PCDHGA11: variants seen among roughly 807,000 people sequenced by gnomAD.
PCDHGA11 encodes protocadherin gamma subfamily A, 11.
Under a neutral mutation model 60.4 loss-of-function variants are expected in PCDHGA11, and 39 were observed. The observed-to-expected ratio is 0.65, with a 90% confidence interval of 0.50 to 0.84. The LOEUF (loss-of-function observed/expected upper bound fraction) is 0.84, where lower values mean the gene tolerates loss of function less well. PCDHGA11 is among the 40% of genes least tolerant of loss of function. The pLI is 0.00. For synonymous variants in PCDHGA11, 533 were observed against 510.3 expected (o/e 1.04, Z -0.60); for missense variants, 1,165 against 1,197.7 (o/e 0.97, Z 0.40).
chr5:141,502,500 G>C (rs1398797155), intron 2 of PCDHGA11, among the ~76,000 whole-genome samples: 1 of 152,046 alleles, frequency 6.6e-6, no homozygotes, highest in Non-Finnish European at 1.5e-5. Flanking sequence ...ATCTAACGTC[G>C]GCCTGTCCCA....
At position 141,421,819 on chromosome 5, in the gene PCDHGA11, G is replaced by C. The variant is rs752366104; in HGVS notation, c.592G>C (p.Glu198Gln). The C allele has an allele frequency of 3.8e-5, 61 of 1,613,688 alleles. No homozygotes were observed. Among genetic ancestry groups the C allele is most frequent in the Non-Finnish European group, 4.9e-5 (58 of 1,179,892 alleles). ...GGCCAAGAATCCAGAGCTAGTACTG[G>C]AGGGAAGCCTGGACCGAGAGAAAGA... ...DGAKNPELVL[E>Q]GSLDREKEAA... Residue 198 changes from glutamate (E) to glutamine (Q), a missense_variant, in exon 1 of 4, where the codon GAG (glutamate) becomes CAG (glutamine). Glu to Gln is a conservative substitution (Grantham distance 29). Coordinates refer to ENST00000398587, the MANE Select transcript of PCDHGA11 (RefSeq NM_018914.3).
chr5:141,491,802 G>A lies in PCDHGA11; in HGVS notation c.2434-3005G>A. 6.7e-7 allele frequency: 1 copy of A among 1,497,480 alleles called. No homozygotes were observed. Among genetic ancestry groups the A allele is most frequent in the East Asian group, 2.5e-5 (1 of 40,518 alleles). The allele number at this position is 1,497,480 out of a possible 1,614,324, so 92.8% of individuals were successfully genotyped here. ...ACTTGCATCCACTCCTCTCCGGCCG[G>A]CTTGGTCGCTGGCTGCGCTCCACCC... On this transcript the variant is annotated intron_variant, in intron 1 of 3. Coordinates refer to ENST00000398587, the MANE Select transcript of PCDHGA11 (RefSeq NM_018914.3). The surrounding 1 kb of genome is among the most constrained non-coding windows in gnomAD (Gnocchi z 6.9).
intron 1 of PCDHGA11, among the ~76,000 whole-genome samples, chr5:141,475,215 T>C (rs768665396): frequency 2.6e-5 from 4 of 152,176 alleles, no homozygotes; most frequent in Non-Finnish European, 5.9e-5. Flanking sequence ...AAAGGATTGA[T>C]CAAGTAAAGG....
At position 141,432,204 on chromosome 5, in the gene PCDHGA11, A is replaced by G. The variant is rs1204867610; in HGVS notation, c.2433+8544A>G. On this transcript the variant is annotated intron_variant, in intron 1 of 3. Coordinates refer to ENST00000398587, the MANE Select transcript of PCDHGA11 (RefSeq NM_018914.3). This position sits in a 1 kb window ranked among gnomAD's most constrained non-coding sequence, Gnocchi z 6.0. ...GTGACCGCCCACGACCCCGACTGTG[A>G]AGAGAACGCCCAGATCACTTATTCC... 1.9e-6 allele frequency: 3 copies of G among 1,614,070 alleles called. No homozygotes were observed. Among genetic ancestry groups the G allele is most frequent in the African/African-American group, 2.7e-5 (2 of 74,928 alleles).
intron 1 of PCDHGA11, chr5:141,440,247 T>C (rs1158469276): frequency 1.3e-5 from 2 of 152,296 alleles, no homozygotes; most frequent in Non-Finnish European, 2.9e-5. Context: ...GGCGAGCAGA[T>C]TACGAGGTCA....
At chr5:141,492,468 G>A (rs927514972) in intron 1 of PCDHGA11, among the ~76,000 whole-genome samples, 1 of 152,232 alleles carries the variant, frequency 6.6e-6, no homozygotes, top group Admixed American at 6.5e-5. Flanking sequence ...GAGGGTCCCA[G>A]ATCGCGGCCG....
At chr5:141,457,522 G>A (rs1200640017) in intron 1 of PCDHGA11, among the ~76,000 whole-genome samples, 1 of 152,188 alleles carries the variant, frequency 6.6e-6, no homozygotes, top group Non-Finnish European at 1.5e-5. Flanking sequence ...AACAATTAAT[G>A]AGACTAGGGT....
At position 141,491,752 on chromosome 5, in the gene PCDHGA11, G is replaced by C. The variant is rs1464731659; in HGVS notation, c.2434-3055G>C. 6 of 1,586,646 alleles carry C rather than the reference G, an allele frequency of 3.8e-6. No homozygotes were observed. The African/African-American group carries it at 8.1e-5, about 21-fold the overall frequency. On this transcript the variant is annotated intron_variant, in intron 1 of 3. Transcript: ENST00000398587. The surrounding 1 kb of genome is among the most constrained non-coding windows in gnomAD (Gnocchi z 6.9). ...GACCCCTGGGGGCGGCACTGGAGAA[G>C]CCGCCCGTCCTCATAAGGGATTGAA...
Position 141,424,520 on chromosome 5 carries a change from A to T in PCDHGA11, c.2433+860A>T, listed in dbSNP as rs527395935. ...GTATGGAAGGTTTTTTAATGTAGTA[A>T]ATCCATATATAGAAATAACTTGATT... is the stretch of plus-strand genomic sequence containing the variant. On this transcript the variant is annotated intron_variant, in intron 1 of 3. Coordinates refer to ENST00000398587, the MANE Select transcript of PCDHGA11 (RefSeq NM_018914.3). 15 of 152,286 alleles carry T rather than the reference A, an allele frequency of 9.8e-5. No individual in the cohort carries two copies. In the East Asian group the frequency reaches 2.9e-3, roughly 29 times the overall value. The allele number at this position is 152,286 out of a possible 1,614,324, so 9.4% of individuals were successfully genotyped here. A position where few individuals can be genotyped will look rare whatever the true frequency, so the allele number is the denominator to read the frequency against.
chr5:141,472,980 C>CAAAAAAAAAAAAAAAAAAGAAAAAAA (rs60579131), intron 1 of PCDHGA11, among the ~76,000 whole-genome samples: 1 of 86,106 alleles, frequency 1.2e-5, no homozygotes, highest in South Asian at 4.3e-4. Flanking sequence ...GAGTGAAACT[C>CAAAAAAAAAAAAAAAAAAGAAAAAAA]AAAAAAAAAA....
intron 1 of PCDHGA11, among the ~76,000 whole-genome samples, chr5:141,460,653 G>A (rs10058370): frequency 0.17 from 25,559 of 151,914 alleles, 2,196 homozygotes; most frequent in South Asian, 0.22. Flanking sequence ...TTACACATAT[G>A]TAACTGTAAA....
intron 1 of PCDHGA11, among the ~76,000 whole-genome samples, chr5:141,461,805 C>T (rs773854105): frequency 4.6e-5 from 7 of 151,854 alleles, no homozygotes; most frequent in Non-Finnish European, 8.8e-5. Flanking sequence ...AGGTGCCCAC[C>T]ACCACACCCA....
In PCDHGA11 at chr5:141,421,960, C is replaced by G; in HGVS notation, c.733C>G (p.Gln245Glu). 3 of 1,612,526 alleles carry G rather than the reference C, an allele frequency of 1.9e-6. No individual in the cohort carries two copies. The highest frequency in any genetic ancestry group is 2.5e-6 in the Non-Finnish European group (3 of 1,179,216). The change falls in exon 1 of 4, where the codon CAG (glutamine) becomes GAG (glutamate). Residue 245 changes from glutamine (Q) to glutamate (E), a missense_variant. Coordinates refer to ENST00000398587, the MANE Select transcript of PCDHGA11 (RefSeq NM_018914.3). ...DVNDHIPMFTQSVYRVSVPEN... is the reference protein window; with the variant it reads ...DVNDHIPMFTESVYRVSVPEN... Reference sequence around the variant, plus strand: ...AAATGATCACATCCCAATGTTTACACAGTCCGTATATCGCGTGAGTGTTCC... The same window carrying G: ...AAATGATCACATCCCAATGTTTACAGAGTCCGTATATCGCGTGAGTGTTCC...
At chr5:141,506,863 G>A (rs1162975959) in intron 3 of PCDHGA11, among the ~76,000 whole-genome samples, 1 of 152,120 alleles carries the variant, frequency 6.6e-6, no homozygotes, top group Non-Finnish European at 1.5e-5. Context: ...GAGGACTGGT[G>A]GGTAGAGAAC....
At chr5:141,427,566 C>A (rs1218268757) in intron 1 of PCDHGA11, 1 of 659,032 alleles carries the variant, frequency 1.5e-6, no homozygotes, top group Non-Finnish European at 2.8e-6. Context: ...CAAGGGCAAG[C>A]CTCCGCTCTC....
At position 141,433,052 on chromosome 5, in the gene PCDHGA11, A is replaced by G. The variant is rs757503771; in HGVS notation, c.2433+9392A>G. The G allele has an allele frequency of 3.1e-6, 5 of 1,614,178 alleles. No individual in the cohort carries two copies. In the Admixed American group the frequency reaches 8.3e-5, roughly 27 times the overall value. ...GGTTTCCCTCACCACGGACTCGCGG[A>G]AGAGTCACCTGATCTTCCCCCAGCC... On this transcript the variant is annotated intron_variant, in intron 1 of 3. Transcript: ENST00000398587.
rs771088007 is a variant in PCDHGA11, at chr5:141,423,000, G to A, written c.1773G>A (p.Lys591=). The change falls in exon 1 of 4, where the codon AAG becomes AAA. Residue 591 remains lysine, a synonymous_variant. Transcript: ENST00000398587. ...CGGAACCTGGCTACCTGGTGACCAA[G>A]GTGGTTGCGGTGGACAAAGATTCAG... The part of the protein sequence containing the change: ...RSAEPGYLVT[K]VVAVDKDSGQ... The A allele has an allele frequency of 9.3e-6, 15 of 1,614,116 alleles. No homozygotes were observed. The African/African-American group carries it at 1.9e-4, about 20-fold the overall frequency.
chr5:141,476,281 T>G lies in PCDHGA11; in HGVS notation c.2434-18526T>G. On this transcript the variant is annotated intron_variant, in intron 1 of 3. Coordinates refer to ENST00000398587, the MANE Select transcript of PCDHGA11 (RefSeq NM_018914.3). This position sits in a 1 kb window ranked among gnomAD's most constrained non-coding sequence, Gnocchi z 7.6. ...TGGGCAACGTGGTCGCGAACCTTGGTTTGGATCTCGGTAGCCTCTCAGCCC... is the reference window on the plus strand; with the variant it reads ...TGGGCAACGTGGTCGCGAACCTTGGGTTGGATCTCGGTAGCCTCTCAGCCC... 1 of 1,614,048 alleles carries G rather than the reference T, an allele frequency of 6.2e-7. No homozygotes were observed. The highest frequency in any genetic ancestry group is 1.1e-5 in the South Asian group (1 of 91,062).
chr5:141,430,837 C>T (rs1350348914), intron 1 of PCDHGA11: 4 of 1,559,956 alleles, frequency 2.6e-6, no homozygotes, highest in South Asian at 2.5e-5. Context: ...TGTGGGAGAC[C>T]GGATGCACCC....
Sources: gnomAD v4.1 joint callset for allele counts (sites outside exome capture counted in the v4.1 genomes callset) on GRCh38, gnomAD v4.1.1 for gene constraint, Gnocchi (gnomAD v3.1) non-coding constraint, MANE v1.5 for transcripts, NCBI Gene and HGNC (gene_info 2026-07-23, HGNC 2026-07-21) for gene names.